Variants in SORCS2 observed in about 807,000 individuals in gnomAD.
The protein encoded by SORCS2 is VPS10 domain-containing receptor SorCS2.
A neutral mutation model predicts 141.6 loss-of-function variants in SORCS2; 100 were observed. The ratio of observed to expected loss-of-function variants is 0.71; its 90% CI spans 0.60 to 0.83. SORCS2 has a LOEUF of 0.83. SORCS2 is among the 40% of genes least tolerant of loss of function. The pLI is 0.00. For synonymous variants in SORCS2, 789 were observed against 676.9 expected, an observed-to-expected ratio of 1.17 and a Z score of -2.57; for missense variants, 1,646 against 1,560.2, an observed-to-expected ratio of 1.05 and a Z score of -0.93.
intron 3 of SORCS2, among the ~76,000 whole-genome samples, chr4:7,566,142 T>C (rs1714989380): frequency 6.6e-6 from 1 of 150,900 alleles, no homozygotes. Context: ...GTGGTGATGA[T>C]AGAGATGATA....
chr4:7,305,036 T>TTC (rs1560178225), intron 1 of SORCS2, among the ~76,000 whole-genome samples: 2 of 15,586 alleles, frequency 1.3e-4, no homozygotes, highest in African/African-American at 1.9e-4. Flanking sequence ...GGCTCTTCTT[T>TTC]TTTTTTTTTT....
rs1266398816 is a variant in SORCS2, at chr4:7,661,579, G to A, written c.952+15G>A. The A allele has an allele frequency of 6.4e-6, 10 of 1,551,378 alleles. No homozygotes were observed. The highest frequency in any genetic ancestry group is 7.0e-6 in the Non-Finnish European group (8 of 1,146,822). The stretch of plus-strand genomic sequence containing the variant: ...CCTCGGTGGAGGTAAGCCGGGCAGT[G>A]CACAGGCACCGGGTATCCCTGAGTC... On this transcript the variant is annotated intron_variant, in intron 6 of 26. Transcript: ENST00000507866.
chr4:7,654,987 A>T (rs1721668888), intron 5 of SORCS2, among the ~76,000 whole-genome samples: 1 of 152,068 alleles, frequency 6.6e-6, no homozygotes, highest in Non-Finnish European at 1.5e-5. Flanking sequence ...TCCTTGAGAA[A>T]TGTCTGTGGG....
At chr4:7,538,037 C>T (rs530642826) in intron 3 of SORCS2, among the ~76,000 whole-genome samples, 20 of 152,212 alleles carry the variant, frequency 1.3e-4, no homozygotes, top group Non-Finnish European at 2.2e-4. Context: ...AGGATTGACC[C>T]GGGTGACTCT....
intron 4 of SORCS2, among the ~76,000 whole-genome samples, chr4:7,649,133 T>C (rs1721270171): frequency 6.6e-6 from 1 of 152,106 alleles, no homozygotes; most frequent in Admixed American, 6.5e-5. Context: ...CCAGCGGCCT[T>C]AGCAAAGGCC....
At chr4:7,713,653 G>T (rs1470998492) in intron 15 of SORCS2, among the ~76,000 whole-genome samples, 1 of 152,154 alleles carries the variant, frequency 6.6e-6, no homozygotes. Flanking sequence ...GAAGCCTATC[G>T]GATAGGGAGG....
At chr4:7,244,524 T>C (rs1712947247) in intron 1 of SORCS2, among the ~76,000 whole-genome samples, 1 of 152,232 alleles carries the variant, frequency 6.6e-6, no homozygotes, top group Non-Finnish European at 1.5e-5. Flanking sequence ...TGCCAAGGCC[T>C]TTTCAGGGCC....
chr4:7,303,667 G>C (rs1245123188), intron 1 of SORCS2, among the ~76,000 whole-genome samples: 1 of 152,238 alleles, frequency 6.6e-6, no homozygotes, highest in Non-Finnish European at 1.5e-5. Flanking sequence ...TATCTGTTGA[G>C]TTGGCGAGCT....
rs983959138 is a variant in SORCS2, at chr4:7,286,959, A to G, written c.480+93833A>G. On this transcript the variant is annotated intron_variant, in intron 1 of 26. Transcript: ENST00000507866. This position sits in a 1 kb window ranked among gnomAD's most constrained non-coding sequence, Gnocchi z 4.1. Reference sequence around the variant, plus strand: ...AGAGAGAGGGACCAGGGCCACTGGTACGAACGCTTCTTGCATCAGGTGGCT... The same window carrying G: ...AGAGAGAGGGACCAGGGCCACTGGTGCGAACGCTTCTTGCATCAGGTGGCT... 6.6e-6 allele frequency among the ~76,000 whole-genome samples: 1 copy of G among 152,322 alleles called. No homozygotes were observed. Among genetic ancestry groups the G allele is most frequent in the Middle Eastern group, 3.4e-3 (1 of 294 alleles).
At chr4:7,480,388 C>T (rs1161229635) in intron 2 of SORCS2, among the ~76,000 whole-genome samples, 1 of 152,198 alleles carries the variant, frequency 6.6e-6, no homozygotes, top group African/African-American at 2.4e-5. Flanking sequence ...CCACTCCTTC[C>T]CCTCTGGTAC....
At chr4:7,390,975 G>A (rs1267256538) in intron 1 of SORCS2, among the ~76,000 whole-genome samples, 3 of 152,186 alleles carry the variant, frequency 2.0e-5, no homozygotes, top group Non-Finnish European at 2.9e-5. Flanking sequence ...ACTCAGGGAG[G>A]AGGGGCTGAG....
At chr4:7,691,276 G>C (rs557128678) in intron 11 of SORCS2, among the ~76,000 whole-genome samples, 2 of 152,352 alleles carry the variant, frequency 1.3e-5, no homozygotes, top group African/African-American at 4.8e-5. Context: ...CCTGGCCCAG[G>C]GTGGGCCCTC....
At chr4:7,260,217 C>T (rs180965666) in intron 1 of SORCS2, among the ~76,000 whole-genome samples, 1 of 152,202 alleles carries the variant, frequency 6.6e-6, no homozygotes, top group South Asian at 2.1e-4. Context: ...GGCAGCTGCT[C>T]TGGATGCCCA....
At chr4:7,477,025 G>A (rs1348217771) in intron 2 of SORCS2, among the ~76,000 whole-genome samples, 1 of 152,198 alleles carries the variant, frequency 6.6e-6, no homozygotes, top group Non-Finnish European at 1.5e-5. Flanking sequence ...CCCAGCTGCA[G>A]ACACGGCCAG....
chr4:7,194,167 G>T (rs535055301), intron 1 of SORCS2, among the ~76,000 whole-genome samples: 151 of 152,236 alleles, frequency 9.9e-4, no homozygotes, highest in African/African-American at 3.5e-3. Flanking sequence ...TATGGGGAGG[G>T]GAGATGGAAG....
Position 7,740,129 on chromosome 4 carries a change from C to T in SORCS2, c.3416-71C>T, listed in dbSNP as rs535875642. 4,426 of 1,380,772 alleles carry T rather than the reference C, an allele frequency of 3.2e-3. 11 individuals carry two copies. The highest frequency in any genetic ancestry group is 3.9e-3 in the Non-Finnish European group (3,937 of 997,782). 85.5% of individuals were successfully genotyped at this position (1,380,772 alleles called of 1,614,324 possible). A position where few individuals can be genotyped will look rare whatever the true frequency, so the allele number is the denominator to read the frequency against. On this transcript the variant is annotated intron_variant, in intron 26 of 26. Transcript: ENST00000507866. ...TCGAGGCACTGCCTGAGGCCACGAC[C>T]GTGTCCCCTGTGGCCCTGTCTCCAG...
chr4:7,622,304 G>T (rs1044170407), intron 3 of SORCS2, among the ~76,000 whole-genome samples: 15 of 152,302 alleles, frequency 9.8e-5, no homozygotes, highest in Non-Finnish European at 2.1e-4. Flanking sequence ...CACTGTATGT[G>T]CATGGCCAGA....
rs1560498594 is a variant in SORCS2 at position 7,706,087 on chromosome 4, ACAGAGATGAGGCTGG to A, written c.1868+1804_1868+1818del. Among the ~76,000 whole-genome samples the A allele has an allele frequency of 6.7e-4, 45 of 66,742 alleles. 1 individual carries two copies. Among genetic ancestry groups the A allele is most frequent in the African/African-American group, 2.3e-3 (41 of 17,886 alleles). The allele number at this position is 66,742 out of a possible 152,430, so 43.8% of individuals were successfully genotyped here. A position where few individuals can be genotyped will look rare whatever the true frequency, so the allele number is the denominator to read the frequency against. On this transcript the variant is annotated intron_variant, in intron 14 of 26. Transcript: ENST00000507866. ...AGGGATGAGGCTGGGCTCTGCCTGG[ACAGAGATGAGGCTGG>A]GCTCTGTCTGGGCAGGGATGAGGCT...
At chr4:7,453,230 A>T (rs1181185406) in intron 2 of SORCS2, among the ~76,000 whole-genome samples, 4 of 32,954 alleles carry the variant, frequency 1.2e-4, no homozygotes, top group African/African-American at 4.0e-4. Context: ...TGGGGTTAGG[A>T]GCTGTGTGTT....
Sources: gnomAD v4.1 joint callset for allele counts (sites outside exome capture counted in the v4.1 genomes callset) on GRCh38, gnomAD v4.1.1 for gene constraint, Gnocchi (gnomAD v3.1) non-coding constraint, MANE v1.5 for transcripts, NCBI Gene and HGNC (gene_info 2026-07-23, HGNC 2026-07-21) for gene names.